The following IFRD1 variants were observed in gnomAD, a reference collection of about 807,000 sequenced individuals.
IFRD1 encodes interferon related developmental regulator 1.
A neutral mutation model predicts 52.9 loss-of-function variants in IFRD1; 35 were observed. The observed-to-expected ratio is 0.66, with a 90% CI of 0.51 to 0.88. The LOEUF (loss-of-function observed/expected upper bound fraction) is 0.88. IFRD1 is among the 40% of genes least tolerant of loss of function. The pLI, the probability that IFRD1 is intolerant of heterozygous loss-of-function variation, is 0.00. For synonymous variants in IFRD1, 184 were observed against 188.4 expected, an observed-to-expected ratio of 0.98 and a Z score of 0.19; for missense variants, 517 against 550.8, an observed-to-expected ratio of 0.94 and a Z score of 0.61.
chr7:112,450,284 G>A (rs1795117643), upstream of IFRD1: 1 of 206,550 alleles, frequency 4.8e-6, no homozygotes, highest in South Asian at 5.7e-5. Flanking sequence ...CAGGCTCCCT[G>A]GGCGCGGACG....
At chr7:112,430,261 T>A (rs1443653479) in intron 1 of IFRD1, among the ~76,000 whole-genome samples, 2 of 152,196 alleles carry the variant, frequency 1.3e-5, no homozygotes, top group Non-Finnish European at 2.9e-5. Context: ...TTCTATATCA[T>A]AATTCCCTTC....
chr7:112,423,319 T>C (rs947060828), exon 1 of IFRD1: 1 of 152,204 alleles, frequency 6.6e-6, no homozygotes, highest in Non-Finnish European at 1.5e-5. Flanking sequence ...CCAGCTGCTT[T>C]ATCTGGTAGC....
At chr7:112,446,869 G>A (rs1172812108), upstream of IFRD1, among the ~76,000 whole-genome samples, 1 of 152,134 alleles carries the variant, frequency 6.6e-6, no homozygotes, top group Non-Finnish European at 1.5e-5. Flanking sequence ...CTGGAAGCTT[G>A]AGAGTGGTGA....
intron 1 of IFRD1, among the ~76,000 whole-genome samples, chr7:112,435,878 T>C (rs373515478): frequency 4.3e-5 from 6 of 138,372 alleles, no homozygotes; most frequent in East Asian, 2.0e-4. Context: ...TTTTCTCTCT[T>C]TTTTTTTTTT....
At chr7:112,474,423 A>G (rs2117341452) in intron 11 of IFRD1, among the ~76,000 whole-genome samples, 1 of 152,306 alleles carries the variant, frequency 6.6e-6, no homozygotes, top group East Asian at 1.9e-4. Context: ...AATTATTTTA[A>G]TTATAGCCAT....
upstream of IFRD1, among the ~76,000 whole-genome samples, chr7:112,447,815 G>C (rs1032785551): frequency 1.4e-4 from 22 of 152,172 alleles, no homozygotes; most frequent in African/African-American, 4.6e-4. Flanking sequence ...GAGCTAAACT[G>C]CAGGCATAAA....
At chr7:112,463,082 G>C (rs1795485141) in intron 8 of IFRD1, among the ~76,000 whole-genome samples, 1 of 152,120 alleles carries the variant, frequency 6.6e-6, no homozygotes, top group Non-Finnish European at 1.5e-5. Context: ...TAAGAGAAAG[G>C]AATGCCTCAA....
intron 5 of IFRD1, among the ~76,000 whole-genome samples, chr7:112,459,341 G>A (rs1563267436): frequency 6.6e-6 from 1 of 152,114 alleles, no homozygotes; most frequent in Non-Finnish European, 1.5e-5. Flanking sequence ...CTAATTGTTG[G>A]ATGTTTACCT....
At chr7:112,451,323 C>A (rs535473307) in intron 1 of IFRD1, among the ~76,000 whole-genome samples, 1 of 152,342 alleles carries the variant, frequency 6.6e-6, no homozygotes, top group East Asian at 1.9e-4. Flanking sequence ...TTCCGTCTCG[C>A]AGGTCCACCT....
At chr7:112,473,003 A>G in intron 11 of IFRD1, 142 bp downstream of exon 11, 1 of 685,882 alleles carries the variant, frequency 1.5e-6, no homozygotes, top group East Asian at 2.7e-5. Context: ...TACTAAAGAT[A>G]CAGAAAGCAT....
intron 4 of IFRD1, 133 bp from the exon 5 acceptor site, chr7:112,458,728 A>T: frequency 1.3e-6 from 1 of 792,844 alleles, no homozygotes. Context: ...TGTAACTTAC[A>T]TCAAAGCCTG....
chr7:112,472,491 C>T, intron 10 of IFRD1, 144 bp downstream of exon 10: 2 of 949,352 alleles, frequency 2.1e-6, no homozygotes, highest in Non-Finnish European at 3.3e-6. Context: ...TGAAAGTAGA[C>T]TTGAATAAAT....
Position 112,450,681 on chromosome 7 carries a change from G to A in IFRD1, c.-8G>A, listed in dbSNP as rs1415723525. The A allele has an allele frequency of 2.5e-6, 4 of 1,611,558 alleles. No homozygotes were observed. The Admixed American group carries it at 5.0e-5, about 20-fold the overall frequency. ...GCTCCGACTCTGGGCGGCACCGGGC[G>A]TCCCACGATGCCGAAGAACAAGAAG... On this transcript the variant is annotated 5_prime_UTR_variant, in exon 1 of 12. Coordinates refer to ENST00000403825, the MANE Select transcript of IFRD1 (RefSeq NM_001550.4).
upstream of IFRD1, among the ~76,000 whole-genome samples, chr7:112,447,406 GGCAGACATT>G (rs1795054408): frequency 6.6e-6 from 1 of 152,140 alleles, no homozygotes; most frequent in Admixed American, 6.5e-5. Context: ...TGATATATGA[GGCAGACATT>G]GCTATTTGTC....
At chr7:112,463,886 ACACACACACC>A (rs1795536643) in intron 8 of IFRD1, among the ~76,000 whole-genome samples, 1 of 25,418 alleles carries the variant, frequency 3.9e-5, no homozygotes, top group African/African-American at 2.1e-4. Context: ...ACACACACAC[ACACACACACC>A]CCACGTATCT....
chr7:112,450,772 G>A lies in IFRD1; in HGVS notation c.84G>A (p.Ala28=). 6.2e-7 allele frequency: 1 copy of A among 1,611,630 alleles called. No homozygotes were observed. Among genetic ancestry groups the A allele is most frequent in the Non-Finnish European group, 8.5e-7 (1 of 1,178,916 alleles). The part of the protein sequence containing the change: ...GGGSGAAAAT[A]ATAGGQHRNV... ...GGTCAGGAGCAGCCGCAGCGACGGC[G>A]GCGACAGCAGGTAAGGGGTATCCCC... The change falls in exon 1 of 12, where the codon GCG becomes GCA. Residue 28 remains alanine, a synonymous_variant. Coordinates refer to ENST00000403825, the MANE Select transcript of IFRD1 (RefSeq NM_001550.4).
At chr7:112,431,073 C>T (rs556659649) in intron 1 of IFRD1, among the ~76,000 whole-genome samples, 10 of 152,140 alleles carry the variant, frequency 6.6e-5, no homozygotes, top group South Asian at 4.1e-4. Context: ...TATTATTTTT[C>T]GAGCGTATTG....
intron 9 of IFRD1, among the ~76,000 whole-genome samples, chr7:112,468,679 T>C (rs1447912896): frequency 6.6e-6 from 1 of 152,172 alleles, no homozygotes; most frequent in Non-Finnish European, 1.5e-5. Flanking sequence ...TTTGTATTTT[T>C]AGTAGAGACA....
At chr7:112,431,103 GTGTATCC>G (rs1164889593) in intron 1 of IFRD1, among the ~76,000 whole-genome samples, 3 of 152,034 alleles carry the variant, frequency 2.0e-5, no homozygotes, top group African/African-American at 7.2e-5. Context: ...CCAGTATCCT[GTGTATCC>G]TGTTGTGGCC....
Sources: gnomAD v4.1 joint callset for allele counts (sites outside exome capture counted in the v4.1 genomes callset) on GRCh38, gnomAD v4.1.1 for gene constraint, MANE v1.5 for transcripts, NCBI Gene and HGNC (gene_info 2026-07-23, HGNC 2026-07-21) for gene names.